Variants in GPAM observed in about 807,000 individuals in gnomAD.
GPAM encodes the protein glycerol-3-phosphate acyltransferase 1, mitochondrial.
GPAM carries 56 observed loss-of-function variants against 105.0 expected under a neutral mutation model. That is an observed-to-expected ratio of 0.53 (90% CI 0.43 to 0.67). GPAM has a LOEUF of 0.67. Among genes scored for constraint, GPAM ranks in the 30% least tolerant of loss-of-function variants. The pLI is 0.00. For synonymous variants in GPAM, 368 were observed against 354.4 expected, an observed-to-expected ratio of 1.04 and a Z score of -0.43; for missense variants, 855 against 989.8, an observed-to-expected ratio of 0.86 and a Z score of 1.83.
chr10:112,176,856 T>C (rs894372909), intron 5 of GPAM, among the ~76,000 whole-genome samples: 1 of 152,208 alleles, frequency 6.6e-6, no homozygotes, highest in Non-Finnish European at 1.5e-5. Context: ...AAGAAGTAAA[T>C]AGCTGAACAT....
Position 112,153,423 on chromosome 10 carries a change from C to A in GPAM, c.*127G>T. The A allele has an allele frequency of 6.3e-7, 1 of 1,592,552 alleles. No homozygotes were observed. The highest frequency in any genetic ancestry group is 2.2e-5 in the East Asian group (1 of 44,472). ...CATGGAGGGAGAAGGCACTTGTCTT[C>A]CAGGAGATCACTTCGGGACAGGGCA... On this transcript the variant is annotated 3_prime_UTR_variant, in exon 22 of 22. Coordinates refer to ENST00000348367, the MANE Select transcript of GPAM (RefSeq NM_001244949.2).
rs1189717130 is a variant in GPAM at position 112,153,190 on chromosome 10, C to A, written c.*360G>T. The A allele has an allele frequency of 8.9e-7, 1 of 1,118,920 alleles. No individual in the cohort carries two copies. Among genetic ancestry groups the A allele is most frequent in the Non-Finnish European group, 1.1e-6 (1 of 906,676 alleles). 69.3% of individuals were successfully genotyped at this position (1,118,920 alleles called of 1,614,324 possible). ...TAAGTATACCATGTAAGATTCAGTTCCAGAACACAGCTACATTTCTGTGTC... is the reference window on the plus strand; with the variant it reads ...TAAGTATACCATGTAAGATTCAGTTACAGAACACAGCTACATTTCTGTGTC... On this transcript the variant is annotated 3_prime_UTR_variant, in exon 22 of 22. Transcript: ENST00000348367.
At chr10:112,156,467 C>T (rs936993197) in intron 19 of GPAM, 2 of 278,680 alleles carry the variant, frequency 7.2e-6, no homozygotes, top group Non-Finnish European at 1.4e-5. Flanking sequence ...TTATCTCACT[C>T]CTTCTGCAGC....
chr10:112,195,716 T>C (rs1847715679), intron 1 of GPAM, among the ~76,000 whole-genome samples: 1 of 152,262 alleles, frequency 6.6e-6, no homozygotes, highest in African/African-American at 2.4e-5. Context: ...TGACGGTACC[T>C]TGCTAAAGCA....
At chr10:112,203,979 C>T (rs1172228574) in intron 1 of GPAM, among the ~76,000 whole-genome samples, 3 of 152,164 alleles carry the variant, frequency 2.0e-5, no homozygotes, top group African/African-American at 4.8e-5. Flanking sequence ...TTCCTTCTCA[C>T]TGTGACATGA....
rs1345587066 is a variant in GPAM, at chr10:112,151,361, G to A, written c.*2189C>T. The A allele has an allele frequency of 3.0e-6, 3 of 985,640 alleles. No individual in the cohort carries two copies. Among genetic ancestry groups the A allele is most frequent in the Non-Finnish European group, 3.6e-6 (3 of 829,890 alleles). 61.1% of individuals were successfully genotyped at this position (985,640 alleles called of 1,614,324 possible). ...TTGTTTTCAGTCATGAGGCACTGAA[G>A]AATGAGTTGTGCTGAAATTAACTCA... On this transcript the variant is annotated 3_prime_UTR_variant, in exon 22 of 22. Coordinates refer to ENST00000348367, the MANE Select transcript of GPAM (RefSeq NM_001244949.2).
chr10:112,151,803 G>T lies in GPAM; in HGVS notation c.*1747C>A. 2 of 984,594 alleles carry T rather than the reference G, an allele frequency of 2.0e-6. No individual in the cohort carries two copies. Among genetic ancestry groups the T allele is most frequent in the Non-Finnish European group, 2.4e-6 (2 of 829,264 alleles). 61.0% of individuals were successfully genotyped at this position (984,594 alleles called of 1,614,324 possible). On this transcript the variant is annotated 3_prime_UTR_variant, in exon 22 of 22. Transcript: ENST00000348367. ...GATAAGGAACACCCAAGACTCCCTG[G>T]GTATCCTCCAAATGTAGCCAAGAAA... is the stretch of plus-strand genomic sequence containing the variant.
intron 19 of GPAM, chr10:112,156,802 AC>A (rs982877974): frequency 4.7e-5 from 9 of 191,054 alleles, no homozygotes; most frequent in African/African-American, 2.1e-4. Context: ...TAAATCAGGG[AC>A]TTTTTTTTTA....
chr10:112,212,515 G>A (rs988473220), intron 1 of GPAM, among the ~76,000 whole-genome samples: 3 of 152,078 alleles, frequency 2.0e-5, no homozygotes, highest in African/African-American at 4.8e-5. Context: ...CGCCCGCATC[G>A]ACCTCCCAAA....
intron 1 of GPAM, among the ~76,000 whole-genome samples, chr10:112,190,859 CAAGAA>C (rs1847649349): frequency 6.6e-6 from 1 of 152,006 alleles, no homozygotes; most frequent in Non-Finnish European, 1.5e-5. Flanking sequence ...AATGCTACAC[CAAGAA>C]AAGTGGGCCC....
At chr10:112,166,107 C>T (rs1005609848) in intron 12 of GPAM, among the ~76,000 whole-genome samples, 1 of 152,172 alleles carries the variant, frequency 6.6e-6, no homozygotes, top group African/African-American at 2.4e-5. Context: ...AATACTAAAA[C>T]TTATTCCTTC....
In GPAM at chr10:112,212,981, G is replaced by A. The variant is rs113259299; in HGVS notation, n.210+2187C>T. ...GGCTACCAAGGCAGGTGAGAGGGAC[G>A]GGAAAGCTGATCTTGACAGGGAGAA... On this transcript the variant is annotated intron_variant and non_coding_transcript_variant, in intron 1 of 3. Coordinates refer to the GPAM transcript ENST00000480130. Among the ~76,000 whole-genome samples, 451 of 152,310 alleles carry A rather than the reference G, an allele frequency of 3.0e-3. 4 individuals carry two copies. Among genetic ancestry groups the A allele is most frequent in the Middle Eastern group, 0.017 (5 of 294 alleles).
chr10:112,204,254 C>CT (rs59433956), intron 1 of GPAM, among the ~76,000 whole-genome samples: 11,444 of 132,466 alleles, frequency 0.086, 855 homozygotes, highest in African/African-American at 0.21. Flanking sequence ...TTTCTTTGTT[C>CT]TTTTTTTTTT....
chr10:112,190,315 T>C (rs1464332155), intron 1 of GPAM, among the ~76,000 whole-genome samples: 2 of 151,680 alleles, frequency 1.3e-5, no homozygotes, highest in African/African-American at 4.8e-5. Context: ...ACCATCCTAG[T>C]CAACATGGTG....
At chr10:112,154,600 C>G in intron 21 of GPAM, 29 bp downstream of exon 21, 1 of 1,495,984 alleles carries the variant, frequency 6.7e-7, no homozygotes, top group Non-Finnish European at 9.3e-7. Context: ...GTTGAGATAG[C>G]TTTTATACCA....
chr10:112,173,414 T>G (rs541169349), intron 7 of GPAM, among the ~76,000 whole-genome samples: 1 of 152,264 alleles, frequency 6.6e-6, no homozygotes, highest in East Asian at 1.9e-4. Context: ...CTTTTATGAC[T>G]CAGATACGTG....
At position 112,166,483 on chromosome 10, in the gene GPAM, A is replaced by C. The variant is rs1335094089; in HGVS notation, c.1140T>G (p.Ser380Arg). ...GKPKKNESLW[S>R]VARGVIRMLR... is the part of the protein sequence containing the mutation. ...ACATTCTAATAACACCTCTTGCTAC[A>C]CTCCACAGGCTCTCATTCTTCTTAG... Residue 380 changes from serine (S) to arginine (R), a missense_variant, in exon 12 of 22, where the codon AGT (serine) becomes AGG (arginine). Coordinates refer to ENST00000348367, the MANE Select transcript of GPAM (RefSeq NM_001244949.2). 6.2e-7 allele frequency: 1 copy of C among 1,611,038 alleles called. No homozygotes were observed.
intron 1 of GPAM, among the ~76,000 whole-genome samples, chr10:112,200,413 G>A (rs1589608067): frequency 1.3e-5 from 2 of 151,734 alleles, no homozygotes. Context: ...TCAGCCTCTC[G>A]AGTAGCTGGG....
chr10:112,222,121 G>A, the GPAM span, among the ~76,000 whole-genome samples: 1 of 152,266 alleles, frequency 6.6e-6, no homozygotes, highest in Non-Finnish European at 1.5e-5. Flanking sequence ...AATTGTTGAA[G>A]TTGGGTGATG....
Sources: gnomAD v4.1 joint callset for allele counts (sites outside exome capture counted in the v4.1 genomes callset) on GRCh38, gnomAD v4.1.1 for gene constraint, MANE v1.5 for transcripts, NCBI Gene and HGNC (gene_info 2026-07-23, HGNC 2026-07-21) for gene names.